TMOD1: variants seen among roughly 807,000 people sequenced by gnomAD.
TMOD1 encodes the protein tropomodulin-1.
TMOD1 carries 17 observed loss-of-function variants against 40.6 expected under a neutral mutation model. That is an observed-to-expected ratio of 0.42 (90% CI 0.29 to 0.63). The LOEUF (loss-of-function observed/expected upper bound fraction) is 0.63. Ranked by LOEUF, TMOD1 falls within the 20% of genes least tolerant of loss-of-function variation. The pLI, the probability that TMOD1 is intolerant of heterozygous loss-of-function variation, is 0.22. For missense variants in TMOD1, 391 were observed against 447.6 expected, an observed-to-expected ratio of 0.87 and a Z score of 1.14; for synonymous variants, 181 against 175.0, an observed-to-expected ratio of 1.03 and a Z score of -0.27.
At chr9:97,503,900 C>G (rs979968942) in intron 1 of TMOD1, among the ~76,000 whole-genome samples, 8 of 152,062 alleles carry the variant, frequency 5.3e-5, no homozygotes, top group African/African-American at 1.4e-4. Flanking sequence ...TCCTTGGAAG[C>G]CTTTCTAGCA....
At chr9:97,543,202 C>A (rs1244071793) in intron 2 of TMOD1, among the ~76,000 whole-genome samples, 1 of 152,242 alleles carries the variant, frequency 6.6e-6, no homozygotes, top group African/African-American at 2.4e-5. Flanking sequence ...CAGCATCTTA[C>A]TGCCATTAAA....
At chr9:97,581,167 C>A in intron 8 of TMOD1, among the ~76,000 whole-genome samples, 1 of 127,820 alleles carries the variant, frequency 7.8e-6, no homozygotes, top group East Asian at 2.4e-4. Context: ...ACAACAGTCC[C>A]CAGAGTGTGA....
At chr9:97,536,052 G>A (rs1441448481) in intron 2 of TMOD1, among the ~76,000 whole-genome samples, 3 of 152,106 alleles carry the variant, frequency 2.0e-5, no homozygotes, top group African/African-American at 7.2e-5. Context: ...GGCTCACCCC[G>A]CTGCCCCTGC....
At chr9:97,508,472 G>A (rs993630384) in intron 1 of TMOD1, among the ~76,000 whole-genome samples, 4 of 152,094 alleles carry the variant, frequency 2.6e-5, no homozygotes, top group South Asian at 2.1e-4. Flanking sequence ...TTACAGGTGC[G>A]AGCCACCGTA....
chr9:97,595,128 A>G (rs1826081398), intron 9 of TMOD1, among the ~76,000 whole-genome samples: 1 of 152,248 alleles, frequency 6.6e-6, no homozygotes, highest in Middle Eastern at 3.2e-3. Flanking sequence ...GTAATTGTAT[A>G]TATTTATGTG....
intron 3 of TMOD1, among the ~76,000 whole-genome samples, chr9:97,550,864 T>C (rs1057182968): frequency 6.6e-6 from 1 of 151,818 alleles, no homozygotes; most frequent in Admixed American, 6.6e-5. Context: ...CTCAAAACTT[T>C]TAAATTCTGA....
intron 4 of TMOD1, among the ~76,000 whole-genome samples, chr9:97,553,828 G>A (rs897938937): frequency 6.6e-6 from 1 of 152,220 alleles, no homozygotes; most frequent in Non-Finnish European, 1.5e-5. Flanking sequence ...CCTGCAGTTG[G>A]CTCAGTGAGC....
intron 9 of TMOD1, among the ~76,000 whole-genome samples, chr9:97,597,650 A>G (rs1359691766): frequency 7.5e-6 from 1 of 133,538 alleles, no homozygotes; most frequent in East Asian, 2.3e-4. Context: ...GTGAGCCAAG[A>G]TCGGGCCACT....
At position 97,546,332 on chromosome 9, in the gene TMOD1, G is replaced by C; in HGVS notation, c.268G>C (p.Glu90Gln). ...DREDLVPYTG[E>Q]KRGKVWVPKQ... The stretch of plus-strand genomic sequence containing the variant: ...AGAAGATCTGGTCCCCTACACAGGG[G>C]AAAAACGAGGTACTGAACAATGTTA... Residue 90 changes from glutamate to glutamine, a missense_variant, in exon 3 of 10, where the codon GAA (glutamate) becomes CAA (glutamine). By Grantham distance (29) the Glu-to-Gln change is conservative. Coordinates refer to ENST00000259365, the MANE Select transcript of TMOD1 (RefSeq NM_003275.4). 6.2e-7 allele frequency: 1 copy of C among 1,613,126 alleles called. No individual in the cohort carries two copies. Among genetic ancestry groups the C allele is most frequent in the Non-Finnish European group, 8.5e-7 (1 of 1,179,684 alleles).
intron 4 of TMOD1, among the ~76,000 whole-genome samples, chr9:97,561,272 A>T (rs1830637139): frequency 6.6e-6 from 1 of 152,166 alleles, no homozygotes; most frequent in Admixed American, 6.5e-5. Context: ...CGAACTCCTT[A>T]CTCAGCCTAG....
Position 97,588,159 on chromosome 9 carries a change from T to C in TMOD1, c.871-3132T>C, listed in dbSNP as rs376321858. The stretch of plus-strand genomic sequence containing the variant: ...TATGGTAGCTCTATGTTTAACTTTT[T>C]CAGGAACTGACAAACTGTCTTTCAA... On this transcript the variant is annotated intron_variant, in intron 8 of 9. Transcript: ENST00000259365. Among the ~76,000 whole-genome samples the C allele has an allele frequency of 9.2e-5, 14 of 152,370 alleles. No homozygotes were observed. In the East Asian group the frequency reaches 1.7e-3, roughly 19 times the overall value.
chr9:97,542,693 A>T (rs772447517), intron 2 of TMOD1, among the ~76,000 whole-genome samples: 6 of 152,048 alleles, frequency 3.9e-5, no homozygotes, highest in Non-Finnish European at 8.8e-5. Flanking sequence ...CCTCTACTAG[A>T]AATACAAAAA....
chr9:97,543,330 A>G (rs1452328284), intron 2 of TMOD1, among the ~76,000 whole-genome samples: 1 of 152,240 alleles, frequency 6.6e-6, no homozygotes, highest in Non-Finnish European at 1.5e-5. Flanking sequence ...TTTTGAATTT[A>G]TATTTGGATA....
At chr9:97,577,227 T>C (rs557176557) in intron 8 of TMOD1, among the ~76,000 whole-genome samples, 1 of 149,114 alleles carries the variant, frequency 6.7e-6, no homozygotes, top group Non-Finnish European at 1.5e-5. Flanking sequence ...GCTCACTACC[T>C]TACCAGGCAG....
At chr9:97,542,930 A>G (rs112646620) in intron 2 of TMOD1, among the ~76,000 whole-genome samples, 3,616 of 152,092 alleles carry the variant, frequency 0.024, 143 homozygotes, top group African/African-American at 0.084. Flanking sequence ...AACTGGGGGC[A>G]GTGCTACTAG....
At chr9:97,515,747 G>A (rs954375002) in intron 1 of TMOD1, among the ~76,000 whole-genome samples, 7 of 152,072 alleles carry the variant, frequency 4.6e-5, no homozygotes, top group Non-Finnish European at 7.4e-5. Flanking sequence ...ATCCTTAGGG[G>A]AAGCAGGATG....
chr9:97,502,520 G>A lies in TMOD1; in HGVS notation c.-49+717G>A, dbSNP rs561614761. 1.7e-4 allele frequency among the ~76,000 whole-genome samples: 26 copies of A among 152,292 alleles called. No homozygotes were observed. Among genetic ancestry groups the A allele is most frequent in the African/African-American group, 5.8e-4 (24 of 41,564 alleles). On this transcript the variant is annotated intron_variant, in intron 1 of 9. Transcript: ENST00000259365. The surrounding 1 kb of genome is among the most constrained non-coding windows in gnomAD (Gnocchi z 6.1). ...ATCTCAGTCTCCCATTTGTAGGGGC[G>A]AGGTTTGGTAGCCGCGATGGAGCTG...
chr9:97,583,511 C>CTTA (rs1435579315), intron 8 of TMOD1, among the ~76,000 whole-genome samples: 2 of 150,694 alleles, frequency 1.3e-5, no homozygotes, highest in South Asian at 2.1e-4. Context: ...TGATGCTGGC[C>CTTA]TCATAAAATG....
At chr9:97,587,705 T>G (rs911448844) in intron 8 of TMOD1, among the ~76,000 whole-genome samples, 3 of 152,192 alleles carry the variant, frequency 2.0e-5, no homozygotes, top group Non-Finnish European at 4.4e-5. Context: ...CTAGAAAATT[T>G]TTATCACTCA....
Sources: allele counts gnomAD v4.1 joint callset (sites outside exome capture counted in the v4.1 genomes callset), GRCh38; gene constraint gnomAD v4.1.1; non-coding constraint Gnocchi (gnomAD v3.1); transcripts MANE v1.5; gene names NCBI Gene and HGNC (gene_info 2026-07-23, HGNC 2026-07-21).